The following XYLT1 variants were observed in gnomAD, a reference collection of about 807,000 sequenced individuals.
XYLT1 encodes the protein xylosyltransferase 1, also known as beta-D-xylosyltransferase 1.
A neutral mutation model predicts 91.3 loss-of-function variants in XYLT1; 36 were observed. The observed-to-expected ratio is 0.39, with a 90% CI of 0.30 to 0.52. XYLT1 has a LOEUF of 0.52. Ranked by LOEUF, XYLT1 falls within the 20% of genes least tolerant of loss-of-function variation. The probability of loss-of-function intolerance (pLI) is 0.68; values close to 1 mark genes in which losing one functional copy is unlikely to be tolerated. For missense variants in XYLT1, 1,242 were observed against 1,284.5 expected, an observed-to-expected ratio of 0.97 and a Z score of 0.51; for synonymous variants, 588 against 532.0, an observed-to-expected ratio of 1.11 and a Z score of -1.45.
intron 1 of XYLT1, among the ~76,000 whole-genome samples, chr16:17,382,184 A>C (rs1350222865): frequency 1.3e-5 from 2 of 151,910 alleles, no homozygotes; most frequent in Admixed American, 6.6e-5. Flanking sequence ...GAAGGGGCAA[A>C]TGGAGATGCC....
chr16:17,287,919 C>CA (rs1567357751), intron 2 of XYLT1, among the ~76,000 whole-genome samples: 1 of 150,370 alleles, frequency 6.7e-6, no homozygotes, highest in Non-Finnish European at 1.5e-5. Flanking sequence ...GTGCCAGGAA[C>CA]TCTATTAGGC....
chr16:17,181,212 A>G (rs2032059801), intron 5 of XYLT1, among the ~76,000 whole-genome samples: 1 of 152,176 alleles, frequency 6.6e-6, no homozygotes, highest in South Asian at 2.1e-4. Context: ...GGGAGGGAAT[A>G]TGGGGGCCCA....
At chr16:17,243,646 G>T (rs887273240) in intron 3 of XYLT1, among the ~76,000 whole-genome samples, 3 of 152,136 alleles carry the variant, frequency 2.0e-5, no homozygotes, top group Non-Finnish European at 2.9e-5. Context: ...AACCCAAGCC[G>T]ACCGACTCAA....
intron 3 of XYLT1, among the ~76,000 whole-genome samples, chr16:17,222,695 C>T (rs184490613): frequency 3.3e-4 from 48 of 147,448 alleles, no homozygotes; most frequent in African/African-American, 1.1e-3. Context: ...GAGGCTGAGG[C>T]ATGAGAATCA....
intron 5 of XYLT1, among the ~76,000 whole-genome samples, chr16:17,186,436 C>T (rs1021267680): frequency 1.8e-4 from 26 of 148,464 alleles, no homozygotes; most frequent in Admixed American, 6.0e-4. Context: ...AAGTATCTGG[C>T]GTTACAGGGG....
intron 9 of XYLT1, among the ~76,000 whole-genome samples, chr16:17,129,657 A>AC (rs2030397613): frequency 3.9e-5 from 6 of 152,292 alleles, no homozygotes; most frequent in African/African-American, 1.4e-4. Flanking sequence ...GACTTTGGGA[A>AC]AGCTGTCTCC....
chr16:17,122,015 A>T (rs12933604), intron 10 of XYLT1, among the ~76,000 whole-genome samples: 99,237 of 151,850 alleles, frequency 0.65, 33,273 homozygotes, highest in Non-Finnish European at 0.71. Context: ...TCACTGATTG[A>T]TGGGCTGCTT....
intron 1 of XYLT1, among the ~76,000 whole-genome samples, chr16:17,438,937 A>G (rs2036497085): frequency 6.6e-6 from 1 of 152,148 alleles, no homozygotes; most frequent in Non-Finnish European, 1.5e-5. Flanking sequence ...TCAGCATCCA[A>G]GCTCAACAGC....
At chr16:17,124,803 T>A (rs545068277) in intron 10 of XYLT1, among the ~76,000 whole-genome samples, 1 of 152,184 alleles carries the variant, frequency 6.6e-6, no homozygotes, top group Admixed American at 6.5e-5. Flanking sequence ...AAAAATTCTT[T>A]TTTGTGTTTG....
intron 5 of XYLT1, among the ~76,000 whole-genome samples, chr16:17,169,676 G>A (rs2141555094): frequency 6.6e-6 from 1 of 150,642 alleles, no homozygotes; most frequent in Non-Finnish European, 1.5e-5. Context: ...GGGCGGGCGG[G>A]GAGGGTGGGG....
chr16:17,184,185 CTTTTTTTT>C (rs71390593), intron 5 of XYLT1, among the ~76,000 whole-genome samples: 2 of 107,490 alleles, frequency 1.9e-5, no homozygotes, highest in African/African-American at 7.4e-5. Context: ...TAAAAGACGG[CTTTTTTTT>C]TTTTTTTTTT....
chr16:17,467,839 T>A (rs377335357), intron 1 of XYLT1, among the ~76,000 whole-genome samples: 5 of 152,280 alleles, frequency 3.3e-5, no homozygotes, highest in African/African-American at 9.6e-5. Context: ...GAGCCAAGGC[T>A]GTCCACCCAC....
At chr16:17,410,645 C>CCTTTTTTTTTT (rs1555454985) in intron 1 of XYLT1, among the ~76,000 whole-genome samples, 1 of 93,036 alleles carries the variant, frequency 1.1e-5, no homozygotes, top group Admixed American at 1.4e-4. Flanking sequence ...CCTGTCATTA[C>CCTTTTTTTTTT]TTTTTTTTTT....
At chr16:17,275,049 C>T (rs1182008994) in intron 2 of XYLT1, among the ~76,000 whole-genome samples, 10 of 151,908 alleles carry the variant, frequency 6.6e-5, no homozygotes, top group Non-Finnish European at 1.0e-4. Context: ...TGGTGGTGTG[C>T]GCCTGTAATA....
intron 1 of XYLT1, among the ~76,000 whole-genome samples, chr16:17,445,461 C>T (rs933267769): frequency 1.3e-5 from 2 of 152,256 alleles, no homozygotes; most frequent in African/African-American, 4.8e-5. Flanking sequence ...CCAAGGGCCT[C>T]TCTCAAGAAG....
intron 1 of XYLT1, among the ~76,000 whole-genome samples, chr16:17,405,531 G>A (rs1449616918): frequency 4.6e-5 from 7 of 152,174 alleles, no homozygotes. Context: ...ACAGCAGCAG[G>A]GAGCCCTTGG....
At chr16:17,295,341 TG>T (rs66637304) in intron 2 of XYLT1, among the ~76,000 whole-genome samples, 53 of 148,516 alleles carry the variant, frequency 3.6e-4, no homozygotes, top group Middle Eastern at 3.2e-3. Flanking sequence ...GTTTTTGTTT[TG>T]TTTTGTTTTG....
rs201802073 is a variant in XYLT1 at position 17,371,822 on chromosome 16, CAGAG to C, written c.364-13776_364-13773del. 1.9e-4 allele frequency among the ~76,000 whole-genome samples: 29 copies of C among 152,224 alleles called. No homozygotes were observed. In the East Asian group the frequency reaches 4.5e-3, roughly 23 times the overall value. On this transcript the variant is annotated intron_variant, in intron 1 of 11. Coordinates refer to ENST00000261381, the MANE Select transcript of XYLT1 (RefSeq NM_022166.4). ...TTCTCCAGCTCTGTTTATTAAGAGA[CAGAG>C]AGAAAGAAAGAGAGAGTGTATGTGT...
At chr16:17,455,000 TA>T (rs1457168060) in intron 1 of XYLT1, among the ~76,000 whole-genome samples, 1 of 140,442 alleles carries the variant, frequency 7.1e-6, no homozygotes, top group Non-Finnish European at 1.5e-5. Context: ...ATTTGGCTTG[TA>T]AGCTGGGGTT....
Sources: gnomAD v4.1 joint callset for allele counts (sites outside exome capture counted in the v4.1 genomes callset) on GRCh38, gnomAD v4.1.1 for gene constraint, MANE v1.5 for transcripts, NCBI Gene and HGNC (gene_info 2026-07-23, HGNC 2026-07-21) for gene names.